Variants in LARP1B observed in about 807,000 individuals in gnomAD.
The protein encoded by LARP1B is La ribonucleoprotein 1B.
Under a neutral mutation model 114.2 loss-of-function variants are expected in LARP1B, and 76 were observed. The observed-to-expected ratio is 0.67, with a 90% CI of 0.55 to 0.81. The LOEUF is 0.81. Among genes scored for constraint, LARP1B ranks in the 30% least tolerant of loss-of-function variants. The pLI is 0.00. For synonymous variants in LARP1B, 345 were observed against 348.0 expected, an observed-to-expected ratio of 0.99 and a Z score of 0.10; for missense variants, 1,014 against 1,075.8, an observed-to-expected ratio of 0.94 and a Z score of 0.80.
At chr4:128,137,820 G>A (rs567796335) in intron 11 of LARP1B, among the ~76,000 whole-genome samples, 2 of 149,222 alleles carry the variant, frequency 1.3e-5, no homozygotes, top group East Asian at 3.9e-4. Context: ...TGGTGACAGA[G>A]TTTTGCTTTG....
intron 12 of LARP1B, among the ~76,000 whole-genome samples, chr4:128,165,878 T>C (rs1332165735): frequency 6.6e-6 from 1 of 152,110 alleles, no homozygotes; most frequent in Non-Finnish European, 1.5e-5. Flanking sequence ...CTTCAGTGTT[T>C]CCCTAACTTC....
chr4:128,170,621 T>C (rs1743129030), intron 12 of LARP1B, among the ~76,000 whole-genome samples: 1 of 152,208 alleles, frequency 6.6e-6, no homozygotes, highest in Non-Finnish European at 1.5e-5. Context: ...TTTGTCTGAT[T>C]TTAATATAGC....
intron 11 of LARP1B, among the ~76,000 whole-genome samples, chr4:128,145,496 CATA>C (rs1010789978): frequency 2.0e-5 from 3 of 152,176 alleles, no homozygotes; most frequent in Admixed American, 2.0e-4. Flanking sequence ...TTATCCTGAA[CATA>C]TGTGCTCTGC....
At chr4:128,134,679 G>A (rs1306398684) in intron 11 of LARP1B, among the ~76,000 whole-genome samples, 3 of 152,144 alleles carry the variant, frequency 2.0e-5, no homozygotes, top group Admixed American at 6.6e-5. Flanking sequence ...AAAAATATTT[G>A]CAAATTATAT....
At chr4:128,073,594 T>TG (rs1766533804) in intron 1 of LARP1B, among the ~76,000 whole-genome samples, 3 of 83,906 alleles carry the variant, frequency 3.6e-5, no homozygotes, top group Admixed American at 1.3e-4. Flanking sequence ...TTTTTTTTTT[T>TG]TTTTTTTTTT....
intron 8 of LARP1B, among the ~76,000 whole-genome samples, chr4:128,105,657 C>T (rs983691379): frequency 4.6e-5 from 7 of 152,026 alleles, no homozygotes; most frequent in Admixed American, 2.0e-4. Flanking sequence ...TTTGGGAGGC[C>T]GAGGCGGGTG....
intron 3 of LARP1B, among the ~76,000 whole-genome samples, chr4:128,076,783 T>TGGCATGATCTC (rs1407928069): frequency 6.6e-6 from 1 of 152,138 alleles, no homozygotes; most frequent in Non-Finnish European, 1.5e-5. Context: ...TGGAGTACAG[T>TGGCATGATCTC]GGCATGATCT....
At chr4:128,140,824 G>GTTTTTTTTTTT (rs773635049) in intron 11 of LARP1B, among the ~76,000 whole-genome samples, 11 of 138,600 alleles carry the variant, frequency 7.9e-5, no homozygotes, top group South Asian at 2.3e-4. Context: ...AATTGTCTCT[G>GTTTTTTTTTTT]TTTTTTTTTT....
At chr4:128,221,490 T>C (rs907145673) in intron 7 of LARP1B, among the ~76,000 whole-genome samples, 4 of 152,196 alleles carry the variant, frequency 2.6e-5, no homozygotes, top group Non-Finnish European at 5.9e-5. Context: ...AATAGAATGG[T>C]TTCTAACAAT....
chr4:128,108,699 A>C (rs918792198), intron 9 of LARP1B: 9 of 983,568 alleles, frequency 9.2e-6, no homozygotes, highest in Non-Finnish European at 1.1e-5. Context: ...TGATTATATA[A>C]GTTAGATTTA....
At chr4:128,152,495 C>T (rs1733309172) in intron 11 of LARP1B, among the ~76,000 whole-genome samples, 1 of 151,746 alleles carries the variant, frequency 6.6e-6, no homozygotes, top group Non-Finnish European at 1.5e-5. Flanking sequence ...AGCCACTGCG[C>T]CCGGCCAACA....
intron 1 of LARP1B, among the ~76,000 whole-genome samples, chr4:128,067,676 C>G (rs1763522871): frequency 6.6e-6 from 1 of 151,546 alleles, no homozygotes; most frequent in South Asian, 2.1e-4. Context: ...CCATCTGTGT[C>G]CTGACTTGGT....
chr4:128,212,980 G>A (rs976504800), downstream of LARP1B, among the ~76,000 whole-genome samples: 5 of 131,242 alleles, frequency 3.8e-5, no homozygotes, highest in South Asian at 2.5e-4. Context: ...GTGCAATGAC[G>A]CGATCTCGTC....
intron 15 of LARP1B, among the ~76,000 whole-genome samples, chr4:128,183,463 A>G (rs965313772): frequency 5.3e-5 from 8 of 152,246 alleles, no homozygotes; most frequent in African/African-American, 1.9e-4. Flanking sequence ...GTGGGTTACT[A>G]AATATTTTAA....
chr4:128,082,351 C>G, intron 5 of LARP1B, 46 bp downstream of exon 5: 2 of 1,555,170 alleles, frequency 1.3e-6, no homozygotes, highest in Non-Finnish European at 1.8e-6. Context: ...AAGACTTAGT[C>G]TTAATGCTCG....
chr4:128,089,461 G>A (rs1460614074), intron 5 of LARP1B, among the ~76,000 whole-genome samples: 3 of 151,724 alleles, frequency 2.0e-5, no homozygotes, highest in East Asian at 1.9e-4. Context: ...CTAGCCTCCC[G>A]AGTAGCTGGG....
intron 15 of LARP1B, among the ~76,000 whole-genome samples, chr4:128,196,585 A>G (rs924424523): frequency 1.3e-5 from 2 of 151,472 alleles, no homozygotes; most frequent in Admixed American, 6.6e-5. Flanking sequence ...AAATTGAAGG[A>G]ATTTTTGTTT....
chr4:128,191,849 C>G (rs1012272321), intron 15 of LARP1B, among the ~76,000 whole-genome samples: 1 of 152,166 alleles, frequency 6.6e-6, no homozygotes, highest in Non-Finnish European at 1.5e-5. Flanking sequence ...GGAAAGCTGG[C>G]TGTCCTCCTC....
At chr4:128,209,724 A>AGG (rs1758616631) in intron 19 of LARP1B, 132 bp from the exon 20 acceptor site, 5 of 393,872 alleles carry the variant, frequency 1.3e-5, no homozygotes, top group African/African-American at 8.9e-5. Context: ...CTCCATCAAA[A>AGG]AAAAAAAAAA....
Sources: allele counts gnomAD v4.1 joint callset (sites outside exome capture counted in the v4.1 genomes callset), GRCh38; gene constraint gnomAD v4.1.1; transcripts MANE v1.5; gene names NCBI Gene and HGNC (gene_info 2026-07-23, HGNC 2026-07-21).